Variants in DCC observed in about 807,000 individuals in gnomAD.
DCC encodes the protein DCC netrin 1 receptor.
A neutral mutation model predicts 172.5 loss-of-function variants in DCC; 58 were observed. That is an observed-to-expected ratio of 0.34 (90% confidence interval 0.27 to 0.42). The LOEUF is 0.42. Ranked by LOEUF, DCC falls within the 10% of genes least tolerant of loss-of-function variation. The probability of loss-of-function intolerance (pLI) is 1.00; values close to 1 mark genes in which losing one functional copy is unlikely to be tolerated. For missense variants in DCC, 1,740 were observed against 1,791.0 expected (o/e 0.97, Z 0.51); for synonymous variants, 709 against 644.5 (o/e 1.10, Z -1.52).
chr18:52,905,166 G>C (rs955485031), intron 2 of DCC, among the ~76,000 whole-genome samples: 7 of 151,944 alleles, frequency 4.6e-5, no homozygotes, highest in South Asian at 4.1e-4. Context: ...TGTATGTAAT[G>C]GCCAGTTTAT....
At chr18:52,849,137 A>T (rs550661647) in intron 2 of DCC, among the ~76,000 whole-genome samples, 1 of 152,194 alleles carries the variant, frequency 6.6e-6, no homozygotes, top group African/African-American at 2.4e-5. Context: ...ATGTAAACAG[A>T]TTCACTAAGT....
At chr18:52,487,762 G>A (rs1359732248) in intron 1 of DCC, among the ~76,000 whole-genome samples, 1 of 124,842 alleles carries the variant, frequency 8.0e-6, no homozygotes, top group Non-Finnish European at 1.6e-5. Flanking sequence ...AATGAGTTTA[G>A]ATTGTGCCGC....
intron 1 of DCC, among the ~76,000 whole-genome samples, chr18:52,698,174 G>C (rs1909632551): frequency 6.6e-6 from 1 of 152,164 alleles, no homozygotes; most frequent in Non-Finnish European, 1.5e-5. Context: ...GCTAGGATCA[G>C]CTGAGAGGTA....
At chr18:52,927,180 T>C (rs1212480017) in intron 5 of DCC, among the ~76,000 whole-genome samples, 3 of 64,660 alleles carry the variant, frequency 4.6e-5, no homozygotes, top group Non-Finnish European at 1.1e-4. Flanking sequence ...TATATATGTG[T>C]ATATATACGT....
At chr18:53,224,535 A>G (rs776014200) in intron 12 of DCC, among the ~76,000 whole-genome samples, 18 of 152,148 alleles carry the variant, frequency 1.2e-4, no homozygotes, top group Non-Finnish European at 1.0e-4. Flanking sequence ...CAGGGGGTGG[A>G]ACGTAGAGGA....
At chr18:53,228,825 G>T (rs563118887) in intron 12 of DCC, among the ~76,000 whole-genome samples, 23 of 152,174 alleles carry the variant, frequency 1.5e-4, no homozygotes, top group African/African-American at 5.5e-4. Context: ...AAATGCCAAA[G>T]ATTTTTCCCT....
intron 2 of DCC, among the ~76,000 whole-genome samples, chr18:52,846,359 T>C (rs997415703): frequency 6.6e-6 from 1 of 151,954 alleles, no homozygotes; most frequent in South Asian, 2.1e-4. Context: ...CCGGGCAACA[T>C]GGCGAATGCT....
At chr18:53,064,511 T>G (rs1277965221) in intron 6 of DCC, among the ~76,000 whole-genome samples, 2 of 152,096 alleles carry the variant, frequency 1.3e-5, no homozygotes, top group African/African-American at 4.8e-5. Flanking sequence ...AGACACAAGC[T>G]CTCTCCATCG....
chr18:53,311,750 T>C (rs1227051849), intron 13 of DCC, among the ~76,000 whole-genome samples: 1 of 152,226 alleles, frequency 6.6e-6, no homozygotes, highest in Admixed American at 6.5e-5. Context: ...TGACAGTTTT[T>C]ATTTATGTAT....
At chr18:52,417,151 T>A (rs891576773) in intron 1 of DCC, among the ~76,000 whole-genome samples, 2 of 152,132 alleles carry the variant, frequency 1.3e-5, no homozygotes, top group African/African-American at 4.8e-5. Flanking sequence ...TGGCTGGATA[T>A]GAAATTCTGG....
chr18:53,520,353 T>A (rs776906502), intron 27 of DCC, among the ~76,000 whole-genome samples: 14 of 152,104 alleles, frequency 9.2e-5, no homozygotes, highest in Non-Finnish European at 1.6e-4. Flanking sequence ...GCCTTCTCAT[T>A]TGAACATAGT....
At chr18:52,752,468 T>A in intron 2 of DCC, 94 bp downstream of exon 2, 1 of 961,506 alleles carries the variant, frequency 1.0e-6, no homozygotes, top group Non-Finnish European at 1.6e-6. Context: ...AGAAATAATG[T>A]ACATTTTAAA....
chr18:52,998,644 G>A (rs1050681573), intron 5 of DCC, among the ~76,000 whole-genome samples: 14 of 151,956 alleles, frequency 9.2e-5, no homozygotes, highest in African/African-American at 2.9e-4. Flanking sequence ...CAATGTTTGA[G>A]CAACTTTTAT....
At chr18:52,969,584 A>ACTCT (rs56024197) in intron 5 of DCC, among the ~76,000 whole-genome samples, 2,920 of 119,260 alleles carry the variant, frequency 0.024, 131 homozygotes, top group African/African-American at 0.068. Context: ...CCCGCCCCCC[A>ACTCT]CTCTCTCTCT....
At chr18:53,219,175 A>T (rs1186772093) in intron 12 of DCC, among the ~76,000 whole-genome samples, 2 of 152,170 alleles carry the variant, frequency 1.3e-5, no homozygotes, top group Admixed American at 6.6e-5. Flanking sequence ...GTGAAAGAAC[A>T]TTCACTGTTC....
chr18:52,834,176 A>G (rs1348111344), intron 2 of DCC, among the ~76,000 whole-genome samples: 3 of 152,196 alleles, frequency 2.0e-5, no homozygotes, highest in Admixed American at 6.5e-5. Context: ...TTCTCTTTAT[A>G]GCAGTTGGAT....
chr18:52,593,544 C>T (rs1292033254), intron 1 of DCC, among the ~76,000 whole-genome samples: 7 of 152,072 alleles, frequency 4.6e-5, no homozygotes, highest in African/African-American at 1.2e-4. Context: ...TTTTTAAAAC[C>T]GTGATTAAAT....
In DCC at chr18:53,099,879, G is replaced by T. The variant is rs141882222; in HGVS notation, c.1261+33713G>T. 2.6e-4 allele frequency among the ~76,000 whole-genome samples: 39 copies of T among 151,180 alleles called. No homozygotes were observed. The East Asian group carries it at 6.4e-3, about 25-fold the overall frequency. ...CTAGCAGAGGATTCACCTAATTTCA[G>T]CTAGAAGTTAGAGGTATATGAGTTT... On this transcript the variant is annotated intron_variant, in intron 7 of 28. Coordinates refer to ENST00000442544, the MANE Select transcript of DCC (RefSeq NM_005215.4).
intron 5 of DCC, among the ~76,000 whole-genome samples, chr18:53,025,035 T>C (rs548664214): frequency 2.0e-5 from 3 of 152,192 alleles, no homozygotes; most frequent in Non-Finnish European, 4.4e-5. Flanking sequence ...TAAAATATAA[T>C]GGAGAAGGCT....
Sources: gnomAD v4.1 joint callset for allele counts (sites outside exome capture counted in the v4.1 genomes callset) on GRCh38, gnomAD v4.1.1 for gene constraint, MANE v1.5 for transcripts, NCBI Gene and HGNC (gene_info 2026-07-23, HGNC 2026-07-21) for gene names.